POT1: variants seen among roughly 807,000 people sequenced by gnomAD.
POT1 encodes protection of telomeres protein 1.
Under a neutral mutation model 78.5 loss-of-function variants are expected in POT1, and 47 were observed. The observed-to-expected ratio is 0.60, with a 90% CI of 0.47 to 0.76. POT1 has a LOEUF of 0.76. POT1 is among the 30% of genes least tolerant of loss of function. POT1 has a pLI of 0.00. For synonymous variants in POT1, 259 were observed against 260.7 expected (o/e 0.99, Z 0.06); for missense variants, 646 against 749.9 (o/e 0.86, Z 1.62).
intron 3 of POT1, among the ~76,000 whole-genome samples, chr7:124,915,140 G>A (rs1043045937): frequency 2.6e-5 from 4 of 152,124 alleles, no homozygotes; most frequent in African/African-American, 9.7e-5. Context: ...TATATACTTA[G>A]TAGTCAGTAG....
chr7:124,868,113 A>G (rs1006418453), intron 7 of POT1, among the ~76,000 whole-genome samples: 4 of 152,176 alleles, frequency 2.6e-5, no homozygotes, highest in African/African-American at 9.7e-5. Context: ...TATTTTTGCT[A>G]TGAACTATGA....
At chr7:124,901,324 A>G (rs990548485) in intron 3 of POT1, among the ~76,000 whole-genome samples, 3 of 152,208 alleles carry the variant, frequency 2.0e-5, no homozygotes, top group African/African-American at 7.2e-5. Context: ...TCAGGCAGCA[A>G]CATTTGCTGT....
At chr7:124,831,511 AC>A (rs1260042399) in intron 15 of POT1, among the ~76,000 whole-genome samples, 1 of 152,136 alleles carries the variant, frequency 6.6e-6, no homozygotes, top group East Asian at 1.9e-4. Flanking sequence ...TCCATTTTTT[AC>A]TACAACCACA....
intron 15 of POT1, among the ~76,000 whole-genome samples, chr7:124,834,233 A>G (rs113037360): frequency 0.22 from 33,167 of 152,124 alleles, 4,076 homozygotes; most frequent in East Asian, 0.3. Flanking sequence ...AGCAAAGGCA[A>G]TAAAAGCCAA....
chr7:124,911,047 T>C (rs1047957969), intron 3 of POT1, among the ~76,000 whole-genome samples: 5 of 152,104 alleles, frequency 3.3e-5, no homozygotes, highest in African/African-American at 1.2e-4. Flanking sequence ...TGTATTCATA[T>C]TTGCACCTGA....
intron 7 of POT1, among the ~76,000 whole-genome samples, chr7:124,870,135 A>C (rs1307001551): frequency 6.6e-6 from 1 of 152,150 alleles, no homozygotes; most frequent in African/African-American, 2.4e-5. Flanking sequence ...AGAAACAGAA[A>C]TATTTAAAAT....
chr7:124,928,077 C>T (rs1218296417), intron 2 of POT1, among the ~76,000 whole-genome samples: 1 of 152,050 alleles, frequency 6.6e-6, no homozygotes, highest in South Asian at 2.1e-4. Flanking sequence ...TAAAAACTAC[C>T]TAACGCATGG....
intron 8 of POT1, among the ~76,000 whole-genome samples, chr7:124,860,586 T>C (rs930641293): frequency 1.3e-5 from 2 of 152,176 alleles, no homozygotes; most frequent in African/African-American, 4.8e-5. Context: ...TCTTAAATTG[T>C]TGTAAGAAAG....
At chr7:124,854,404 T>C (rs1280709543) in intron 9 of POT1, among the ~76,000 whole-genome samples, 1 of 151,958 alleles carries the variant, frequency 6.6e-6, no homozygotes, top group Admixed American at 6.5e-5. Context: ...TCTGGACTTT[T>C]AGATTATGGA....
intron 2 of POT1, among the ~76,000 whole-genome samples, chr7:124,920,322 T>C (rs569123142): frequency 6.6e-6 from 1 of 152,218 alleles, no homozygotes; most frequent in South Asian, 2.1e-4. Context: ...AGAAGCCAGA[T>C]GCAAAAGGCT....
intron 15 of POT1, among the ~76,000 whole-genome samples, chr7:124,833,276 G>A (rs1794813865): frequency 6.6e-6 from 1 of 152,072 alleles, no homozygotes; most frequent in Non-Finnish European, 1.5e-5. Context: ...AGAGGGCAAT[G>A]CCTAACAGTG....
chr7:124,870,918 C>T lies in POT1; in HGVS notation c.248G>A (p.Arg83Lys). 1 of 1,605,806 alleles carries T rather than the reference C, an allele frequency of 6.2e-7. No homozygotes were observed. The highest frequency in any genetic ancestry group is 8.5e-7 in the Non-Finnish European group (1 of 1,175,768). ...YKNGDIVRFH[R>K]LKIQVYKKET... ...AGACAATATGAATTATACCTTCAGC[C>T]TGTGAAAGCGAACAATATCTCCATT... Residue 83 changes from arginine to lysine, a missense_variant, in exon 7 of 19, where the codon AGG (arginine) becomes AAG (lysine). Transcript: ENST00000357628.
At chr7:124,911,310 A>G (rs1256741724) in intron 3 of POT1, among the ~76,000 whole-genome samples, 1 of 152,130 alleles carries the variant, frequency 6.6e-6, no homozygotes, top group East Asian at 1.9e-4. Flanking sequence ...CCTATCTGAC[A>G]TCGCCTCAAG....
rs151190554 is a variant in POT1, at chr7:124,900,728, C to A, written c.-153-2354G>T. ...GCCTCACTGGGGAAGTGCAAGGGGT[C>A]GGGGAATTCCCTTTCCTAGCCAAGG... On this transcript the variant is annotated intron_variant, in intron 3 of 18. Transcript: ENST00000357628. 8.3e-5 allele frequency: 20 copies of A among 240,426 alleles called. No homozygotes were observed. In the Middle Eastern group the frequency reaches 7.0e-3, roughly 85 times the overall value. 14.9% of individuals were successfully genotyped at this position (240,426 alleles called of 1,614,324 possible).
chr7:124,865,277 A>G (rs1795693069), intron 7 of POT1, among the ~76,000 whole-genome samples: 1 of 151,968 alleles, frequency 6.6e-6, no homozygotes, highest in Non-Finnish European at 1.5e-5. Context: ...TTTTGTCTGG[A>G]TGTGCGTTTC....
intron 4 of POT1, 41 bp from the exon 5 acceptor site, chr7:124,897,253 C>G: frequency 1.2e-6 from 1 of 868,970 alleles, no homozygotes; most frequent in Non-Finnish European, 1.8e-6. Flanking sequence ...ATACAGATAA[C>G]CTCCAATGTG....
At chr7:124,826,474 A>G (rs1028859695) in intron 17 of POT1, among the ~76,000 whole-genome samples, 2 of 152,222 alleles carry the variant, frequency 1.3e-5, no homozygotes, top group African/African-American at 4.8e-5. Flanking sequence ...TTAGTGTCAG[A>G]AATGAGGAAG....
At chr7:124,900,894 T>C in intron 3 of POT1, 2 of 333,062 alleles carry the variant, frequency 6.0e-6, no homozygotes, top group Non-Finnish European at 1.3e-5. Context: ...AGAGTTTTGC[T>C]CATTGCTGGC....
At chr7:124,859,463 A>G (rs962088251) in intron 8 of POT1, among the ~76,000 whole-genome samples, 3 of 152,162 alleles carry the variant, frequency 2.0e-5, no homozygotes, top group East Asian at 1.9e-4. Flanking sequence ...AAAATTATGA[A>G]TGCTCTAAAA....
Sources: gnomAD v4.1 joint callset for allele counts (sites outside exome capture counted in the v4.1 genomes callset) on GRCh38, gnomAD v4.1.1 for gene constraint, MANE v1.5 for transcripts, NCBI Gene and HGNC (gene_info 2026-07-23, HGNC 2026-07-21) for gene names.